PTN: variants seen among roughly 807,000 people sequenced by gnomAD.
The protein encoded by PTN is pleiotrophin.
PTN carries 18 observed loss-of-function variants against 24.1 expected under a neutral mutation model. The ratio of observed to expected loss-of-function variants is 0.75; its 90% confidence interval spans 0.52 to 1.11. PTN has a LOEUF of 1.11. PTN is among the 50% of genes least tolerant of loss of function. The probability of loss-of-function intolerance (pLI) is 0.00; values close to 1 mark genes in which losing one functional copy is unlikely to be tolerated. For synonymous variants in PTN, 78 were observed against 68.6 expected (o/e 1.14, Z -0.67); for missense variants, 163 against 198.8 (o/e 0.82, Z 1.08).
At chr7:137,252,240 G>T (rs1277939734) in intron 3 of PTN, among the ~76,000 whole-genome samples, 2 of 151,842 alleles carry the variant, frequency 1.3e-5, no homozygotes, top group East Asian at 3.8e-4. Flanking sequence ...TAGATGTAGA[G>T]TGATATCTCA....
At chr7:137,319,892 T>C (rs540987720) in intron 1 of PTN, among the ~76,000 whole-genome samples, 1 of 152,188 alleles carries the variant, frequency 6.6e-6, no homozygotes, top group Non-Finnish European at 1.5e-5. Flanking sequence ...GGGAGTCTTA[T>C]GTGGTCTAGG....
chr7:137,288,419 A>G lies in PTN; in HGVS notation c.-1-33445T>C, dbSNP rs547960990. ...TCAGTTCTCAGGAGACGTGAAACAC[A>G]CCTTGCCCACCCAGTTTTCTAATAT... On this transcript the variant is annotated intron_variant, in intron 1 of 4. Coordinates refer to ENST00000348225, the MANE Select transcript of PTN (RefSeq NM_002825.7). Among the ~76,000 whole-genome samples the G allele has an allele frequency of 2.2e-4, 33 of 152,246 alleles. 1 individual carries two copies. In the South Asian group the frequency reaches 6.4e-3, roughly 30 times the overall value.
intron 1 of PTN, among the ~76,000 whole-genome samples, chr7:137,287,062 A>G (rs1809567122): frequency 6.6e-6 from 1 of 152,216 alleles, no homozygotes; most frequent in Non-Finnish European, 1.5e-5. Context: ...TTTATTATGT[A>G]AAAACCCTCA....
chr7:137,314,809 G>C (rs561234251), intron 1 of PTN, among the ~76,000 whole-genome samples: 2 of 151,892 alleles, frequency 1.3e-5, no homozygotes, highest in Non-Finnish European at 2.9e-5. Context: ...TGGCCAGGCT[G>C]GTCTCAGACT....
chr7:137,318,414 C>A (rs1011086391), intron 1 of PTN, among the ~76,000 whole-genome samples: 1 of 152,136 alleles, frequency 6.6e-6, no homozygotes. Context: ...AGCAGAAAAA[C>A]CAGGTAGAAT....
At chr7:137,296,697 T>A (rs1303994578) in intron 1 of PTN, among the ~76,000 whole-genome samples, 1 of 152,094 alleles carries the variant, frequency 6.6e-6, no homozygotes, top group South Asian at 2.1e-4. Flanking sequence ...TTGAAGCTTG[T>A]TGAAACAGAG....
chr7:137,281,987 T>C (rs1306265736), intron 1 of PTN, among the ~76,000 whole-genome samples: 1 of 152,244 alleles, frequency 6.6e-6, no homozygotes, highest in Admixed American at 6.5e-5. Context: ...GGGTTTGAAC[T>C]CAGGCCTGCT....
At chr7:137,238,314 G>C (rs1378404601) in intron 4 of PTN, among the ~76,000 whole-genome samples, 2 of 152,160 alleles carry the variant, frequency 1.3e-5, no homozygotes, top group Non-Finnish European at 2.9e-5. Flanking sequence ...CCAGGGCCCA[G>C]CCTGGGAGAG....
intron 4 of PTN, among the ~76,000 whole-genome samples, chr7:137,236,679 G>A (rs1563194852): frequency 3.3e-5 from 5 of 152,066 alleles, no homozygotes. Context: ...TCTCTAATAT[G>A]ACATTTAAAT....
chr7:137,236,855 A>AT (rs1451798479), intron 4 of PTN, among the ~76,000 whole-genome samples: 1 of 152,136 alleles, frequency 6.6e-6, no homozygotes, highest in Non-Finnish European at 1.5e-5. Flanking sequence ...TTCTATGATC[A>AT]TATCTAATGT....
chr7:137,275,490 C>T (rs1809345963), intron 1 of PTN, among the ~76,000 whole-genome samples: 1 of 152,110 alleles, frequency 6.6e-6, no homozygotes, highest in Non-Finnish European at 1.5e-5. Flanking sequence ...ATTACAGGCT[C>T]ATTAAGAGGA....
At position 137,321,366 on chromosome 7, in the gene PTN, C is replaced by T. The variant is rs550347204; in HGVS notation, c.-2+22073G>A. Among the ~76,000 whole-genome samples the T allele has an allele frequency of 9.9e-5, 15 of 152,220 alleles. No individual in the cohort carries two copies. The South Asian group carries it at 2.5e-3, about 25-fold the overall frequency. On this transcript the variant is annotated intron_variant, in intron 1 of 4. Coordinates refer to ENST00000348225, the MANE Select transcript of PTN (RefSeq NM_002825.7). ...TTGCATCTTTCTTTGGCTTTAATAC[C>T]GTTTTTAACCACATCTTTTATATTG...
At chr7:137,237,708 C>T (rs1465656716) in intron 4 of PTN, among the ~76,000 whole-genome samples, 1 of 152,116 alleles carries the variant, frequency 6.6e-6, no homozygotes, top group Non-Finnish European at 1.5e-5. Context: ...AGCTATTCCC[C>T]ACCACGTGAT....
chr7:137,320,367 C>G (rs1490342003), intron 1 of PTN, among the ~76,000 whole-genome samples: 1 of 151,046 alleles, frequency 6.6e-6, no homozygotes, highest in Non-Finnish European at 1.5e-5. Flanking sequence ...AAAATGAAGA[C>G]TCCATTTTCT....
chr7:137,306,085 C>T (rs972744907), intron 1 of PTN, among the ~76,000 whole-genome samples: 2 of 152,052 alleles, frequency 1.3e-5, no homozygotes, highest in African/African-American at 2.4e-5. Flanking sequence ...GGGCCACTGC[C>T]AGATTCTCAT....
intron 1 of PTN, among the ~76,000 whole-genome samples, chr7:137,257,085 A>T (rs955715608): frequency 5.3e-5 from 8 of 152,298 alleles, no homozygotes; most frequent in Non-Finnish European, 1.2e-4. Context: ...TGTTGTTTTT[A>T]AAAATTGATG....
chr7:137,306,653 A>G (rs1809893522), intron 1 of PTN, among the ~76,000 whole-genome samples: 1 of 152,138 alleles, frequency 6.6e-6, no homozygotes, highest in African/African-American at 2.4e-5. Context: ...TAACAAAAAT[A>G]GCTGAGTTTT....
intron 1 of PTN, 98 bp from the exon 2 acceptor site, chr7:137,255,072 T>C: frequency 1.3e-6 from 1 of 751,250 alleles, no homozygotes; most frequent in Non-Finnish European, 2.0e-6. Context: ...TTTCCATTTC[T>C]GGAATGTTAG....
intron 1 of PTN, among the ~76,000 whole-genome samples, chr7:137,315,874 C>G (rs557143276): frequency 2.9e-4 from 44 of 152,244 alleles, no homozygotes; most frequent in African/African-American, 1.0e-3. Context: ...GATCCTAAGT[C>G]TCTGCCTCTG....
Sources: gnomAD v4.1 joint callset for allele counts (sites outside exome capture counted in the v4.1 genomes callset) on GRCh38, gnomAD v4.1.1 for gene constraint, MANE v1.5 for transcripts, NCBI Gene and HGNC (gene_info 2026-07-23, HGNC 2026-07-21) for gene names.